The following CDH10 variants were observed in gnomAD, a reference collection of about 807,000 sequenced individuals.
CDH10 encodes the protein cadherin-10.
Under a neutral mutation model 73.1 loss-of-function variants are expected in CDH10, and 30 were observed. That is an observed-to-expected ratio of 0.41 (90% CI 0.31 to 0.56). The LOEUF (loss-of-function observed/expected upper bound fraction) is 0.56. CDH10 is among the 20% of genes least tolerant of loss of function. The pLI, the probability that CDH10 is intolerant of heterozygous loss-of-function variation, is 0.27. For synonymous variants in CDH10, 345 were observed against 348.2 expected, an observed-to-expected ratio of 0.99 and a Z score of 0.10; for missense variants, 815 against 973.7, an observed-to-expected ratio of 0.84 and a Z score of 2.17.
At chr5:24,614,644 T>C (rs929234048) in intron 1 of CDH10, among the ~76,000 whole-genome samples, 7 of 152,166 alleles carry the variant, frequency 4.6e-5, no homozygotes, top group African/African-American at 1.7e-4. Context: ...AGACAGAATT[T>C]AGTTTTGGTT....
At chr5:24,589,083 C>A (rs1746116196) in intron 2 of CDH10, among the ~76,000 whole-genome samples, 1 of 152,108 alleles carries the variant, frequency 6.6e-6, no homozygotes, top group Non-Finnish European at 1.5e-5. Flanking sequence ...TGTCTTTGAG[C>A]AGAGAGCTTA....
At chr5:24,514,642 C>A (rs569896381) in intron 5 of CDH10, among the ~76,000 whole-genome samples, 2 of 152,032 alleles carry the variant, frequency 1.3e-5, no homozygotes, top group African/African-American at 4.8e-5. Flanking sequence ...GATATCACTG[C>A]CCCAATGAAA....
intron 5 of CDH10, among the ~76,000 whole-genome samples, chr5:24,518,080 C>A (rs762100263): frequency 1.1e-4 from 17 of 152,120 alleles, no homozygotes; most frequent in Non-Finnish European, 2.2e-4. Flanking sequence ...TGAAGGATCA[C>A]AAAACAGTCT....
At chr5:24,488,632 G>A (rs532512729) in intron 11 of CDH10, among the ~76,000 whole-genome samples, 1 of 152,082 alleles carries the variant, frequency 6.6e-6, no homozygotes, top group East Asian at 1.9e-4. Context: ...ACAACATACT[G>A]AGTACTGACT....
At chr5:24,624,816 G>C (rs1433415088) in intron 1 of CDH10, among the ~76,000 whole-genome samples, 1 of 152,106 alleles carries the variant, frequency 6.6e-6, no homozygotes, top group East Asian at 1.9e-4. Flanking sequence ...CCATGTGCCT[G>C]CATGTTCTCA....
At chr5:24,515,110 T>A (rs1317357861) in intron 5 of CDH10, among the ~76,000 whole-genome samples, 1 of 152,064 alleles carries the variant, frequency 6.6e-6, no homozygotes, top group Non-Finnish European at 1.5e-5. Flanking sequence ...AGAATAAAAT[T>A]AAAAATAACA....
At chr5:24,529,272 C>T (rs1442367809) in intron 5 of CDH10, among the ~76,000 whole-genome samples, 14 of 151,804 alleles carry the variant, frequency 9.2e-5, no homozygotes, top group African/African-American at 1.5e-4. Context: ...TTTTAGGTTC[C>T]TCATAATTCT....
intron 1 of CDH10, among the ~76,000 whole-genome samples, chr5:24,628,435 T>C (rs1401856208): frequency 6.6e-6 from 1 of 152,104 alleles, no homozygotes; most frequent in Non-Finnish European, 1.5e-5. Context: ...TGTGAGCACA[T>C]ATGAGAAAAA....
intron 5 of CDH10, among the ~76,000 whole-genome samples, chr5:24,531,564 C>T (rs1028771755): frequency 5.9e-5 from 9 of 152,134 alleles, no homozygotes; most frequent in Middle Eastern, 3.4e-3. Context: ...AGCAAAGTCA[C>T]GTCTTACATG....
intron 11 of CDH10, among the ~76,000 whole-genome samples, chr5:24,489,951 G>A (rs2111624942): frequency 6.6e-6 from 1 of 152,166 alleles, no homozygotes; most frequent in South Asian, 2.1e-4. Context: ...CAGAAATTGT[G>A]TGACCTTGGA....
At chr5:24,495,969 G>A (rs1742273156) in intron 9 of CDH10, among the ~76,000 whole-genome samples, 1 of 151,988 alleles carries the variant, frequency 6.6e-6, no homozygotes, top group African/African-American at 2.4e-5. Context: ...GGGCTATTCT[G>A]AAATAATCTT....
chr5:24,530,146 CT>C (rs141819077), intron 5 of CDH10, among the ~76,000 whole-genome samples: 2,215 of 144,848 alleles, frequency 0.015, 51 homozygotes, highest in African/African-American at 0.049. Flanking sequence ...TCTCTGGTGC[CT>C]TTTTTTTTTC....
At chr5:24,570,427 C>T (rs1361982541) in intron 2 of CDH10, among the ~76,000 whole-genome samples, 1 of 151,952 alleles carries the variant, frequency 6.6e-6, no homozygotes, top group African/African-American at 2.4e-5. Context: ...AAGGGCCTGG[C>T]CATTTCAGTT....
chr5:24,525,054 G>A (rs941206475), intron 5 of CDH10, among the ~76,000 whole-genome samples: 1 of 151,984 alleles, frequency 6.6e-6, no homozygotes, highest in Non-Finnish European at 1.5e-5. Context: ...GTGAGTAAGC[G>A]ACTTTGGAGG....
intron 2 of CDH10, among the ~76,000 whole-genome samples, chr5:24,587,900 ATAT>A (rs2061803704): frequency 6.6e-6 from 1 of 152,204 alleles, no homozygotes; most frequent in Non-Finnish European, 1.5e-5. Flanking sequence ...GCTAGCTAAA[ATAT>A]TATTGTATTG....
chr5:24,577,936 T>A (rs184882328), intron 2 of CDH10, among the ~76,000 whole-genome samples: 1 of 152,264 alleles, frequency 6.6e-6, no homozygotes, highest in African/African-American at 2.4e-5. Context: ...TAGAAGCCAA[T>A]TCCATATGCT....
intron 1 of CDH10, among the ~76,000 whole-genome samples, chr5:24,607,785 A>G (rs1396720414): frequency 6.6e-6 from 1 of 152,198 alleles, no homozygotes; most frequent in Non-Finnish European, 1.5e-5. Flanking sequence ...ATGAGGAAAA[A>G]GCAAATATGT....
rs2111749687 is a variant in CDH10 at position 24,509,578 on chromosome 5, G to A, written c.1244C>T (p.Ser415Phe). Residue 415 changes from serine (S) to phenylalanine (F), a missense_variant, in exon 7 of 12, where the codon TCC becomes TTC. Ser to Phe is a radical substitution (Grantham distance 155, BLOSUM62 -2). Transcript: ENST00000264463. The stretch of plus-strand genomic sequence containing the variant: ...AAGGCACACTTACCTAATGGGGCTG[G>A]AAATAGAATCTGGGTCCCTTGCCAT... The part of the protein sequence containing the change: ...TVMARDPDSI[S>F]SPIRFSLDRH... The A allele has an allele frequency of 6.2e-7, 1 of 1,613,866 alleles. No homozygotes were observed. The highest frequency in any genetic ancestry group is 8.5e-7 in the Non-Finnish European group (1 of 1,179,896).
At chr5:24,519,034 T>A (rs1038647354) in intron 5 of CDH10, among the ~76,000 whole-genome samples, 6 of 151,364 alleles carry the variant, frequency 4.0e-5, no homozygotes, top group Non-Finnish European at 8.9e-5. Flanking sequence ...GGGATTACAG[T>A]TGTGCACCAC....
Sources: allele counts gnomAD v4.1 joint callset (sites outside exome capture counted in the v4.1 genomes callset), GRCh38; gene constraint gnomAD v4.1.1; transcripts MANE v1.5; gene names NCBI Gene and HGNC (gene_info 2026-07-23, HGNC 2026-07-21).